PDE1C: variants seen among roughly 807,000 people sequenced by gnomAD.
The protein encoded by PDE1C is phosphodiesterase 1C.
A neutral mutation model predicts 93.1 loss-of-function variants in PDE1C; 62 were observed. That is an observed-to-expected ratio of 0.67 (90% CI 0.54 to 0.82). The LOEUF (loss-of-function observed/expected upper bound fraction) is 0.82. Among genes scored for constraint, PDE1C ranks in the 40% least tolerant of loss-of-function variants. The pLI, the probability that PDE1C is intolerant of heterozygous loss-of-function variation, is 0.00. For synonymous variants in PDE1C, 325 were observed against 310.1 expected, an observed-to-expected ratio of 1.05 and a Z score of -0.50; for missense variants, 742 against 884.6, an observed-to-expected ratio of 0.84 and a Z score of 2.04.
chr7:31,644,361 G>T, the PDE1C span, among the ~76,000 whole-genome samples: 1 of 152,192 alleles, frequency 6.6e-6, no homozygotes, highest in Non-Finnish European at 1.5e-5. Flanking sequence ...GTAAAATAGG[G>T]AGACTATTCA....
chr7:32,124,519 G>A (rs950039872), intron 3 of PDE1C, among the ~76,000 whole-genome samples: 2 of 152,030 alleles, frequency 1.3e-5, no homozygotes, highest in Non-Finnish European at 2.9e-5. Context: ...TAGACCAATG[G>A]AACAGAACAG....
chr7:31,690,629 A>C, the PDE1C span, among the ~76,000 whole-genome samples: 1 of 152,234 alleles, frequency 6.6e-6, no homozygotes, highest in South Asian at 2.1e-4. Context: ...TATTTGACTC[A>C]AGAATCCAGA....
chr7:32,088,508 G>GCAGTGGT, intron 3 of PDE1C, among the ~76,000 whole-genome samples: 1 of 152,262 alleles, frequency 6.6e-6, no homozygotes, highest in East Asian at 1.9e-4. Context: ...CAAGGCGGCC[G>GCAGTGGT]GAGCCCTGCA....
At chr7:31,716,083 C>T in the PDE1C span, among the ~76,000 whole-genome samples, 1 of 152,124 alleles carries the variant, frequency 6.6e-6, no homozygotes, top group Non-Finnish European at 1.5e-5. Flanking sequence ...ATCCTTTGTT[C>T]TTTGGTGTCT....
At chr7:31,693,522 C>T in the PDE1C span, among the ~76,000 whole-genome samples, 1 of 152,178 alleles carries the variant, frequency 6.6e-6, no homozygotes, top group Non-Finnish European at 1.5e-5. Flanking sequence ...TTTTACCTGG[C>T]TTTCTGAGCC....
chr7:31,801,319 T>C (rs552905588), intron 16 of PDE1C, among the ~76,000 whole-genome samples: 13 of 151,494 alleles, frequency 8.6e-5, no homozygotes, highest in South Asian at 2.1e-4. Flanking sequence ...AAAAGAATAA[T>C]AACATAATAC....
At chr7:32,231,388 A>G (rs1159962830) in intron 1 of PDE1C, among the ~76,000 whole-genome samples, 2 of 152,172 alleles carry the variant, frequency 1.3e-5, no homozygotes. Context: ...ATGGACAACT[A>G]TATGTCAATA....
intron 1 of PDE1C, among the ~76,000 whole-genome samples, chr7:32,367,360 T>A (rs1365242848): frequency 6.6e-6 from 1 of 152,074 alleles, no homozygotes; most frequent in African/African-American, 2.4e-5. Flanking sequence ...ACAAAGGACA[T>A]ATAAAACATG....
chr7:32,198,692 G>T (rs1804788734), intron 2 of PDE1C, among the ~76,000 whole-genome samples: 1 of 152,168 alleles, frequency 6.6e-6, no homozygotes, highest in Non-Finnish European at 1.5e-5. Flanking sequence ...AAAGTTTCCA[G>T]AAACTTTTCT....
intron 1 of PDE1C, among the ~76,000 whole-genome samples, chr7:32,425,474 C>T (rs1785508750): frequency 1.3e-5 from 2 of 151,944 alleles, no homozygotes; most frequent in Non-Finnish European, 2.9e-5. Context: ...GCATATATTT[C>T]TTATGAAATA....
At chr7:31,715,393 C>T in the PDE1C span, among the ~76,000 whole-genome samples, 1 of 152,116 alleles carries the variant, frequency 6.6e-6, no homozygotes, top group African/African-American at 2.4e-5. Context: ...TGCCCAGCGC[C>T]ACGCCCAGCT....
At chr7:32,094,479 A>G (rs1797640371) in intron 3 of PDE1C, among the ~76,000 whole-genome samples, 1 of 152,182 alleles carries the variant, frequency 6.6e-6, no homozygotes. Context: ...CTTTACTGCT[A>G]AACAAGTTCA....
chr7:31,800,105 T>C (rs1785812318), intron 16 of PDE1C, among the ~76,000 whole-genome samples: 1 of 151,696 alleles, frequency 6.6e-6, no homozygotes, highest in Non-Finnish European at 1.5e-5. Context: ...ATTTTTTGTA[T>C]GTTTTTAATT....
At chr7:32,023,650 AAGCC>A (rs1010009387) in intron 2 of PDE1C, among the ~76,000 whole-genome samples, 19 of 151,934 alleles carry the variant, frequency 1.3e-4, no homozygotes, top group Non-Finnish European at 2.2e-4. Context: ...AGAAAAAAAA[AAGCC>A]AGTCTTTAAA....
At chr7:32,099,706 C>T (rs990750051) in intron 3 of PDE1C, among the ~76,000 whole-genome samples, 1 of 152,212 alleles carries the variant, frequency 6.6e-6, no homozygotes, top group African/African-American at 2.4e-5. Context: ...ATCACTCTTA[C>T]GTTTCCTAGA....
intron 2 of PDE1C, among the ~76,000 whole-genome samples, chr7:31,889,712 G>A (rs550553468): frequency 6.6e-6 from 1 of 152,254 alleles, no homozygotes; most frequent in South Asian, 2.1e-4. Flanking sequence ...CTCACTGCAT[G>A]GGAACACCAG....
chr7:31,644,028 TC>T, the PDE1C span: 1 of 1,374,606 alleles, frequency 7.3e-7, no homozygotes, highest in Admixed American at 2.3e-5. Flanking sequence ...TATTCAGACT[TC>T]CTTGCTGAAT....
At chr7:31,827,491 T>G (rs954812351) in intron 12 of PDE1C, among the ~76,000 whole-genome samples, 1 of 152,174 alleles carries the variant, frequency 6.6e-6, no homozygotes, top group Non-Finnish European at 1.5e-5. Context: ...AATACTGGTT[T>G]AATGTCTTTG....
chr7:31,958,946 T>G (rs1194639722), intron 2 of PDE1C, among the ~76,000 whole-genome samples: 1 of 152,190 alleles, frequency 6.6e-6, no homozygotes, highest in East Asian at 1.9e-4. Flanking sequence ...AGCTTTCTAC[T>G]TTCTAGAGCT....
Sources: allele counts gnomAD v4.1 joint callset (sites outside exome capture counted in the v4.1 genomes callset), GRCh38; gene constraint gnomAD v4.1.1; transcripts MANE v1.5; gene names NCBI Gene and HGNC (gene_info 2026-07-23, HGNC 2026-07-21).